Variants in PPP1R9A observed in about 807,000 individuals in gnomAD.
The protein encoded by PPP1R9A is protein phosphatase 1 regulatory subunit 9A, also known as neurabin-1.
In PPP1R9A, 59 loss-of-function variants were observed where a neutral mutation model predicts 141.9. The ratio of observed to expected loss-of-function variants is 0.42; its 90% CI spans 0.34 to 0.52. The LOEUF (loss-of-function observed/expected upper bound fraction) is 0.52, where lower values mean the gene tolerates loss of function less well. PPP1R9A is among the 20% of genes least tolerant of loss of function. The pLI is 0.10. For missense variants in PPP1R9A, 1,444 were observed against 1,611.9 expected, an observed-to-expected ratio of 0.90 and a Z score of 1.78; for synonymous variants, 500 against 569.7, an observed-to-expected ratio of 0.88 and a Z score of 1.74.
rs1240942053 is a variant in PPP1R9A, at chr7:95,071,210, A to AT, written c.1396-40043dup. Among the ~76,000 whole-genome samples, 5 of 152,100 alleles carry AT rather than the reference A, an allele frequency of 3.3e-5. No individual in the cohort carries two copies. In the East Asian group the frequency reaches 9.7e-4, roughly 29 times the overall value. ...ATAGGAAATTTTAAGTATATTAGTG[A>AT]TTTTTTAAAAAATGTAAAATTTTGA... On this transcript the variant is annotated intron_variant, in intron 2 of 19. Transcript: ENST00000433360.
At chr7:95,001,715 A>G (rs563608177) in intron 2 of PPP1R9A, among the ~76,000 whole-genome samples, 10 of 152,318 alleles carry the variant, frequency 6.6e-5, no homozygotes, top group South Asian at 2.1e-4. Flanking sequence ...TAATCAGTTC[A>G]GAGTTACTAT....
intron 7 of PPP1R9A, among the ~76,000 whole-genome samples, chr7:95,213,270 A>G (rs931013807): frequency 6.6e-6 from 1 of 151,276 alleles, no homozygotes; most frequent in Non-Finnish European, 1.5e-5. Context: ...GAATTTCCTA[A>G]GGGCAGAATT....
intron 2 of PPP1R9A, chr7:95,036,015 T>G (rs1358256268): frequency 6.6e-6 from 1 of 152,212 alleles, no homozygotes; most frequent in Non-Finnish European, 1.5e-5. Context: ...GTAATGCAGT[T>G]GTGATATTCT....
At chr7:95,234,550 C>T (rs1173342785) in intron 8 of PPP1R9A, among the ~76,000 whole-genome samples, 1 of 152,162 alleles carries the variant, frequency 6.6e-6, no homozygotes, top group Non-Finnish European at 1.5e-5. Context: ...AATGGAAACA[C>T]ATTCCATGCT....
chr7:95,217,817 T>C (rs1793718411), intron 7 of PPP1R9A, among the ~76,000 whole-genome samples: 1 of 152,144 alleles, frequency 6.6e-6, no homozygotes, highest in Admixed American at 6.6e-5. Flanking sequence ...AGTGGTGATA[T>C]CCCCTTTATC....
At chr7:95,225,555 CTG>C (rs1237404428) in intron 7 of PPP1R9A, among the ~76,000 whole-genome samples, 1 of 152,130 alleles carries the variant, frequency 6.6e-6, no homozygotes, top group African/African-American at 2.4e-5. Flanking sequence ...CCTTCCAACT[CTG>C]TGATTCATTA....
In PPP1R9A at chr7:94,910,212, C is replaced by T; in HGVS notation, c.99C>T (p.Thr33=). 6.2e-7 allele frequency: 1 copy of T among 1,614,078 alleles called. No individual in the cohort carries two copies. Among genetic ancestry groups the T allele is most frequent in the Non-Finnish European group, 8.5e-7 (1 of 1,180,012 alleles). ...YRTEFQALKS[T]FDKPKSDGEQ... Reference sequence around the variant, plus strand: ...CTGAGTTTCAGGCACTGAAAAGTACCTTTGACAAACCCAAGTCAGATGGGG... The same window carrying T: ...CTGAGTTTCAGGCACTGAAAAGTACTTTTGACAAACCCAAGTCAGATGGGG... Residue 33 remains threonine, a synonymous_variant, in exon 2 of 20, where the codon ACC becomes ACT. Coordinates refer to ENST00000433360, the MANE Select transcript of PPP1R9A (RefSeq NM_001166160.2). The surrounding 1 kb of genome is among the most constrained non-coding windows in gnomAD (Gnocchi z 4.5).
chr7:95,064,318 C>T (rs1349488520), intron 2 of PPP1R9A, among the ~76,000 whole-genome samples: 3 of 152,146 alleles, frequency 2.0e-5, no homozygotes, highest in Non-Finnish European at 4.4e-5. Context: ...TGCTATAGCT[C>T]ATACCTGAAT....
At position 95,293,414 on chromosome 7, in the gene PPP1R9A, G is replaced by T. The variant is rs1806625281; in HGVS notation, c.*3111G>T. ...AGTTTCATGACAATAAAGCTGTTCTGTGGCTATCATCCTTTAGCTGGGATT... is the reference window on the plus strand; with the variant it reads ...AGTTTCATGACAATAAAGCTGTTCTTTGGCTATCATCCTTTAGCTGGGATT... On this transcript the variant is annotated 3_prime_UTR_variant, in exon 20 of 20. Coordinates refer to ENST00000433360, the MANE Select transcript of PPP1R9A (RefSeq NM_001166160.2). 1 of 152,062 alleles carries T rather than the reference G, an allele frequency of 6.6e-6. No homozygotes were observed. Among genetic ancestry groups the T allele is most frequent in the Admixed American group, 6.6e-5 (1 of 15,266 alleles). The allele number at this position is 152,062 out of a possible 1,614,324, so 9.4% of individuals were successfully genotyped here. A position where few individuals can be genotyped will look rare whatever the true frequency, so the allele number is the denominator to read the frequency against.
chr7:95,157,558 T>C (rs905486647), intron 4 of PPP1R9A, among the ~76,000 whole-genome samples: 38 of 152,136 alleles, frequency 2.5e-4, no homozygotes, highest in Admixed American at 2.0e-4. Context: ...CCATGGAGCA[T>C]GTATCCTCGG....
intron 7 of PPP1R9A, among the ~76,000 whole-genome samples, chr7:95,215,630 C>T (rs1270382703): frequency 6.6e-6 from 1 of 152,108 alleles, no homozygotes; most frequent in African/African-American, 2.4e-5. Flanking sequence ...CTCTCCAGCA[C>T]CTTTTGTTTC....
intron 12 of PPP1R9A, among the ~76,000 whole-genome samples, chr7:95,256,140 G>C (rs577812596): frequency 5.3e-5 from 8 of 150,588 alleles, no homozygotes; most frequent in African/African-American, 1.9e-4. Context: ...AATGAGAACT[G>C]AGCAAGAAAA....
intron 5 of PPP1R9A, among the ~76,000 whole-genome samples, chr7:95,166,773 A>G (rs1831329787): frequency 6.6e-6 from 1 of 152,240 alleles, no homozygotes; most frequent in Non-Finnish European, 1.5e-5. Context: ...GCGAAATACT[A>G]GCAAACCAAG....
chr7:94,954,848 TGTG>T (rs1563042502), intron 2 of PPP1R9A, among the ~76,000 whole-genome samples: 2 of 150,862 alleles, frequency 1.3e-5, no homozygotes, highest in African/African-American at 4.9e-5. Flanking sequence ...TGTGTGTGTG[TGTG>T]TGTGTGTGTG....
chr7:95,267,847 C>G (rs994765296), intron 12 of PPP1R9A, among the ~76,000 whole-genome samples: 4 of 151,858 alleles, frequency 2.6e-5, no homozygotes, highest in Non-Finnish European at 4.4e-5. Flanking sequence ...AAATGTTTAT[C>G]CTACCTCATC....
chr7:95,159,645 C>T (rs570798956), intron 4 of PPP1R9A, among the ~76,000 whole-genome samples: 9 of 152,018 alleles, frequency 5.9e-5, no homozygotes, highest in African/African-American at 1.4e-4. Flanking sequence ...TGACTCGGGC[C>T]GACCGTGGTG....
intron 2 of PPP1R9A, among the ~76,000 whole-genome samples, chr7:94,982,464 C>T (rs1800246546): frequency 6.6e-6 from 1 of 152,190 alleles, no homozygotes; most frequent in South Asian, 2.1e-4. Flanking sequence ...GTTCCCATTT[C>T]TCCACATCCT....
At chr7:95,280,183 G>A (rs854534) in intron 16 of PPP1R9A, among the ~76,000 whole-genome samples, 56,886 of 152,052 alleles carry the variant, frequency 0.37, 11,111 homozygotes, top group Middle Eastern at 0.56. Context: ...CTTGGTGGAT[G>A]TTAGAACCTT....
intron 2 of PPP1R9A, among the ~76,000 whole-genome samples, chr7:95,086,298 AAC>A (rs1191147255): frequency 1.3e-5 from 2 of 152,042 alleles, no homozygotes; most frequent in Non-Finnish European, 2.9e-5. Flanking sequence ...TTTATGTCTT[AAC>A]ACATATTTTA....
Sources: gnomAD v4.1 joint callset for allele counts (sites outside exome capture counted in the v4.1 genomes callset) on GRCh38, gnomAD v4.1.1 for gene constraint, Gnocchi (gnomAD v3.1) non-coding constraint, MANE v1.5 for transcripts, NCBI Gene and HGNC (gene_info 2026-07-23, HGNC 2026-07-21) for gene names.